CFAP36: variants seen among roughly 807,000 people sequenced by gnomAD.
CFAP36 encodes cilia and flagella associated protein 36.
In CFAP36, 37 loss-of-function variants were observed where a neutral mutation model predicts 50.5. The ratio of observed to expected loss-of-function variants is 0.73; its 90% CI spans 0.56 to 0.96. The LOEUF (loss-of-function observed/expected upper bound fraction) is 0.96, where lower values mean the gene tolerates loss of function less well. Ranked by LOEUF, CFAP36 falls within the 50% of genes least tolerant of loss-of-function variation. The pLI is 0.00. For synonymous variants in CFAP36, 138 were observed against 128.2 expected (o/e 1.08, Z -0.52); for missense variants, 407 against 396.2 (o/e 1.03, Z -0.23).
chr2:55,534,286 C>T (rs1170511801), intron 5 of CFAP36, among the ~76,000 whole-genome samples: 1 of 152,188 alleles, frequency 6.6e-6, no homozygotes, highest in Admixed American at 6.5e-5. Context: ...AGCTAAACAG[C>T]TTACTCCTTG....
At chr2:55,544,810 G>T in intron 9 of CFAP36, 97 bp from the exon 10 acceptor site, 1 of 704,640 alleles carries the variant, frequency 1.4e-6, no homozygotes, top group Non-Finnish European at 2.4e-6. Context: ...CCCACAAGAA[G>T]GTGCCCCCGA....
At chr2:55,543,880 A>G in intron 7 of CFAP36, 58 bp from the exon 8 acceptor site, 1 of 1,502,862 alleles carries the variant, frequency 6.7e-7, no homozygotes, top group Non-Finnish European at 9.2e-7. Flanking sequence ...AACCTAGCCT[A>G]ACACTTAAAA....
At chr2:55,526,313 T>C (rs1684205626) in intron 3 of CFAP36, among the ~76,000 whole-genome samples, 2 of 152,258 alleles carry the variant, frequency 1.3e-5, no homozygotes, top group Admixed American at 6.5e-5. Context: ...TGTTTATTAA[T>C]TTAAATTGTC....
At chr2:55,539,295 T>C (rs1303663599) in intron 7 of CFAP36, 1 of 152,502 alleles carries the variant, frequency 6.6e-6, no homozygotes, top group Non-Finnish European at 1.5e-5. Flanking sequence ...TCCTAGCCCA[T>C]GGCAACCACT....
In CFAP36 at chr2:55,522,164, C is replaced by A; in HGVS notation, c.178C>A (p.Leu60Ile). 1 of 1,500,366 alleles carries A rather than the reference C, an allele frequency of 6.7e-7. No individual in the cohort carries two copies. Among genetic ancestry groups the A allele is most frequent in the Non-Finnish European group, 9.1e-7 (1 of 1,098,666 alleles). The allele number at this position is 1,500,366 out of a possible 1,614,324, so 92.9% of individuals were successfully genotyped here. ...YTEIHQEYKE[L>I]VEKLLEGYLK... The stretch of plus-strand genomic sequence containing the variant: ...AGAGATTCATCAGGAATACAAAGAA[C>A]TAGTGAGTATTTTTTTTCACTGATT... The change falls in exon 2 of 10, where the codon CTA (leucine) becomes ATA (isoleucine). Residue 60 changes from leucine to isoleucine, a missense_variant and splice_region_variant. Leu to Ile is a conservative substitution (Grantham distance 5). Transcript: ENST00000349456.
intron 7 of CFAP36, among the ~76,000 whole-genome samples, chr2:55,540,689 C>T (rs1684615600): frequency 6.6e-6 from 1 of 152,164 alleles, no homozygotes; most frequent in Non-Finnish European, 1.5e-5. Flanking sequence ...GAAGAACTGA[C>T]ATCTTGACAT....
In CFAP36 at chr2:55,519,752, G is replaced by T; in HGVS notation, c.-50G>T. The T allele has an allele frequency of 6.3e-7, 1 of 1,587,874 alleles. No individual in the cohort carries two copies. The highest frequency in any genetic ancestry group is 8.6e-7 in the Non-Finnish European group (1 of 1,156,720). On this transcript the variant is annotated 5_prime_UTR_variant, in exon 1 of 10. Transcript: ENST00000349456. ...CCTTGTGGCCCAAAGGCCTAACCGG[G>T]GTCCGGCGGTCTGGCCTAGGGATCT... is the stretch of plus-strand genomic sequence containing the variant.
rs769092800 is a variant in CFAP36, at chr2:55,544,251, G to A, written c.809G>A (p.Arg270Gln). ...NLSVLGTEEL[R>Q]QREHYLKQKR... ...TCAGTACTTGGAACAGAAGAACTTC[G>A]GCAACGAGAACACTATCTCAAGCAG... Residue 270 changes from arginine (R) to glutamine (Q), a missense_variant, in exon 9 of 10, where the codon CGG becomes CAG. By Grantham distance (43) the Arg-to-Gln change is conservative (BLOSUM62 1). Coordinates refer to ENST00000349456, the MANE Select transcript of CFAP36 (RefSeq NM_080667.7). 7 of 1,613,604 alleles carry A rather than the reference G, an allele frequency of 4.3e-6. No homozygotes were observed. Among genetic ancestry groups the A allele is most frequent in the South Asian group, 2.2e-5 (2 of 90,980 alleles).
Position 55,544,364 on chromosome 2 carries a change from G to GT in CFAP36, c.923dup (p.Glu309ArgfsTer33). 1.9e-6 allele frequency: 3 copies of GT among 1,610,806 alleles called. No individual in the cohort carries two copies. The highest frequency in any genetic ancestry group is 2.5e-6 in the Non-Finnish European group (3 of 1,179,038). ...GCAGAAAGGAAAACCCACTGGGGAG[G>GT]TAGAGGTATGGCTAGCCTTAATATG... On this transcript the variant is annotated frameshift_variant, in exon 9 of 10. Coordinates refer to ENST00000349456, the MANE Select transcript of CFAP36 (RefSeq NM_080667.7). LOFTEE classifies it high-confidence loss of function.
At position 55,543,252 on chromosome 2, in the gene CFAP36, T is replaced by C. The variant is rs912600770; in HGVS notation, c.641-686T>C. Among the ~76,000 whole-genome samples the C allele has an allele frequency of 3.3e-5, 5 of 152,158 alleles. No individual in the cohort carries two copies. The East Asian group carries it at 9.6e-4, about 29-fold the overall frequency. ...AAATGTTTTATCTTTTTAAAAACAA[T>C]CACCTTATAATAAAAAATGGCTCAG... On this transcript the variant is annotated intron_variant, in intron 7 of 9. Coordinates refer to ENST00000349456, the MANE Select transcript of CFAP36 (RefSeq NM_080667.7).
At chr2:55,521,607 G>A (rs1023629185) in intron 1 of CFAP36, among the ~76,000 whole-genome samples, 2 of 150,098 alleles carry the variant, frequency 1.3e-5, no homozygotes, top group Non-Finnish European at 3.0e-5. Flanking sequence ...GTGTGTGTGT[G>A]TGTGTGTGTG....
At chr2:55,521,458 A>T (rs1684059000) in intron 1 of CFAP36, among the ~76,000 whole-genome samples, 1 of 152,116 alleles carries the variant, frequency 6.6e-6, no homozygotes, top group South Asian at 2.1e-4. Flanking sequence ...CATTAACAAT[A>T]ATATTACATT....
chr2:55,528,876 A>C lies in CFAP36; in HGVS notation c.283-2A>C. On this transcript the variant is annotated splice_acceptor_variant, in intron 3 of 9. Transcript: ENST00000349456. LOFTEE classifies it high-confidence loss of function. ...CATTTCACTTGAGACTTCTTTCCAC[A>C]GGCCATTTTGCAACCTGTGTTGGCA... 6.3e-7 allele frequency: 1 copy of C among 1,586,374 alleles called. No homozygotes were observed. Among genetic ancestry groups the C allele is most frequent in the Non-Finnish European group, 8.6e-7 (1 of 1,164,454 alleles).
chr2:55,520,215 AAT>A (rs1684023711), intron 1 of CFAP36, among the ~76,000 whole-genome samples: 1 of 152,024 alleles, frequency 6.6e-6, no homozygotes, highest in Non-Finnish European at 1.5e-5. Context: ...TTGAATCGTA[AAT>A]TCGGTCTCTC....
At chr2:55,536,655 T>C (rs979566005) in intron 6 of CFAP36, among the ~76,000 whole-genome samples, 7 of 152,144 alleles carry the variant, frequency 4.6e-5, no homozygotes, top group African/African-American at 1.4e-4. Flanking sequence ...TTTCACCATG[T>C]TGGCCAAGCT....
At chr2:55,536,625 T>C (rs1379759107) in intron 6 of CFAP36, among the ~76,000 whole-genome samples, 1 of 151,950 alleles carries the variant, frequency 6.6e-6, no homozygotes, top group Admixed American at 6.6e-5. Flanking sequence ...TAATTTTTTG[T>C]ATTTTCAGTA....
chr2:55,542,979 G>T (rs1684676584), intron 7 of CFAP36, among the ~76,000 whole-genome samples: 1 of 152,048 alleles, frequency 6.6e-6, no homozygotes, highest in Non-Finnish European at 1.5e-5. Flanking sequence ...AGTCAGTCTG[G>T]TCACTGCTAG....
At chr2:55,520,542 C>A in intron 1 of CFAP36, 3 of 1,287,892 alleles carry the variant, frequency 2.3e-6, no homozygotes, top group Non-Finnish European at 3.2e-6. Flanking sequence ...ATTCTTGGAA[C>A]AAATGAGGCG....
Position 55,529,740 on chromosome 2 carries a change from G to A in CFAP36, c.397+748G>A, listed in dbSNP as rs189052665. ...CGGCTTACTGCATGCTCTGCCTTGC[G>A]GGTTTACACCATTCTCCTGCCTCAG... On this transcript the variant is annotated intron_variant, in intron 4 of 9. Transcript: ENST00000349456. Among the ~76,000 whole-genome samples the A allele has an allele frequency of 6.5e-3, 976 of 150,752 alleles. 3 individuals are homozygous for A. Among genetic ancestry groups the A allele is most frequent in the Non-Finnish European group, 0.01 (683 of 67,788 alleles).
Sources: gnomAD v4.1 joint callset for allele counts (sites outside exome capture counted in the v4.1 genomes callset) on GRCh38, gnomAD v4.1.1 for gene constraint, MANE v1.5 for transcripts, NCBI Gene and HGNC (gene_info 2026-07-23, HGNC 2026-07-21) for gene names.